Variants in MEIKIN observed in about 807,000 individuals in gnomAD.
The protein encoded by MEIKIN is meiotic kinetochore factor.
intron 9 of MEIKIN, among the ~76,000 whole-genome samples, chr5:131,872,371 T>C (rs1195846998): frequency 6.6e-6 from 1 of 152,134 alleles, no homozygotes; most frequent in African/African-American, 2.4e-5. Context: ...CAGTAGCTGA[T>C]GCAATCAACT....
chr5:131,914,009 T>G (rs1478087961), intron 7 of MEIKIN, among the ~76,000 whole-genome samples: 1 of 152,134 alleles, frequency 6.6e-6, no homozygotes. Flanking sequence ...ATTAAGCCAT[T>G]CATGGATTAA....
At chr5:131,916,998 T>C in intron 6 of MEIKIN, 73 bp from the exon 7 acceptor site, 1 of 391,652 alleles carries the variant, frequency 2.6e-6, no homozygotes, top group South Asian at 1.3e-4. Context: ...ATGAATATTT[T>C]CCCCCAAGTG....
intron 5 of MEIKIN, among the ~76,000 whole-genome samples, chr5:131,926,064 T>G (rs1341396097): frequency 1.3e-5 from 2 of 152,192 alleles, no homozygotes; most frequent in Non-Finnish European, 2.9e-5. Context: ...ATTTTTTTGT[T>G]GCCTAATTGC....
At chr5:131,897,085 C>G (rs936146508) in intron 8 of MEIKIN, among the ~76,000 whole-genome samples, 1 of 152,196 alleles carries the variant, frequency 6.6e-6, no homozygotes, top group Non-Finnish European at 1.5e-5. Context: ...CTGGTGGTGA[C>G]AAAATCTCTC....
At chr5:131,870,578 T>G (rs941086079) in intron 9 of MEIKIN, among the ~76,000 whole-genome samples, 3 of 152,224 alleles carry the variant, frequency 2.0e-5, no homozygotes, top group African/African-American at 7.2e-5. Flanking sequence ...CTTCTCAACA[T>G]TTCCATCTTC....
intron 4 of MEIKIN, among the ~76,000 whole-genome samples, chr5:131,935,617 GGTGA>G (rs1751764948): frequency 6.6e-6 from 1 of 152,038 alleles, no homozygotes; most frequent in East Asian, 1.9e-4. Context: ...GGTCGGGGGT[GGTGA>G]GTAAGAGATC....
At chr5:131,858,786 T>C (rs1750236987) in intron 9 of MEIKIN, among the ~76,000 whole-genome samples, 1 of 152,104 alleles carries the variant, frequency 6.6e-6, no homozygotes, top group African/African-American at 2.4e-5. Flanking sequence ...ACAGACATTA[T>C]CAAAAGAAGA....
At chr5:131,811,646 G>A (rs574870137) in intron 12 of MEIKIN, among the ~76,000 whole-genome samples, 46 of 149,854 alleles carry the variant, frequency 3.1e-4, no homozygotes, top group African/African-American at 1.1e-3. Context: ...TCTCACTCTC[G>A]CCCAGGCTGG....
chr5:131,886,600 A>G lies in MEIKIN; in HGVS notation c.704-7552T>C, dbSNP rs570335401. Among the ~76,000 whole-genome samples the G allele has an allele frequency of 9.2e-5, 14 of 152,300 alleles. No homozygotes were observed. In the South Asian group the frequency reaches 2.9e-3, roughly 32 times the overall value. On this transcript the variant is annotated intron_variant, in intron 8 of 12. Coordinates refer to ENST00000442687, the MANE Select transcript of MEIKIN (RefSeq NM_001303622.2). ...CAAGGAGAATCACAGACCTTCCCACAAACAAAAGCTGAGGGATGTCATGAG... is the reference window on the plus strand; with the variant it reads ...CAAGGAGAATCACAGACCTTCCCACGAACAAAAGCTGAGGGATGTCATGAG...
At chr5:131,942,584 T>C (rs1751891111) in intron 4 of MEIKIN, 51 bp downstream of exon 4, 1 of 397,826 alleles carries the variant, frequency 2.5e-6, no homozygotes, top group Non-Finnish European at 4.4e-6. Context: ...TGGATGCTTA[T>C]GTTTGGAGGA....
chr5:131,898,792 T>C (rs1229281702), intron 8 of MEIKIN, among the ~76,000 whole-genome samples: 1 of 152,230 alleles, frequency 6.6e-6, no homozygotes, highest in African/African-American at 2.4e-5. Flanking sequence ...AAGCACAGTA[T>C]TTGGGCAGGA....
intron 1 of MEIKIN, 29 bp downstream of exon 1, chr5:131,945,371 C>T (rs1457394028): frequency 2.5e-6 from 1 of 399,040 alleles, no homozygotes; most frequent in South Asian, 1.3e-4. Context: ...CTCGGCTGAG[C>T]TTACGGTGGG....
rs75594983 is a variant in MEIKIN at position 131,816,236 on chromosome 5, C to T, written c.1099+2504G>A. Among the ~76,000 whole-genome samples the T allele has an allele frequency of 1.6e-3, 241 of 152,198 alleles. 1 individual carries two copies. Among genetic ancestry groups the T allele is most frequent in the African/African-American group, 5.4e-3 (225 of 41,494 alleles). ...ATGGATGCATAGTTGATAAGGAATG[C>T]GCTGTGATGGTTAGTTGTGTGTGAC... On this transcript the variant is annotated intron_variant, in intron 12 of 12. Transcript: ENST00000442687.
chr5:131,873,727 T>A (rs572327183), intron 9 of MEIKIN, among the ~76,000 whole-genome samples: 5 of 152,212 alleles, frequency 3.3e-5, no homozygotes, highest in South Asian at 2.1e-4. Context: ...ATTCCAAAAT[T>A]GAACACATAG....
chr5:131,885,858 C>T (rs1433312241), intron 8 of MEIKIN, among the ~76,000 whole-genome samples: 1 of 152,082 alleles, frequency 6.6e-6, no homozygotes, highest in Non-Finnish European at 1.5e-5. Flanking sequence ...GATACATGAG[C>T]TTTTAGATAG....
intron 8 of MEIKIN, among the ~76,000 whole-genome samples, chr5:131,892,958 G>A (rs1362938925): frequency 2.0e-5 from 3 of 152,322 alleles, no homozygotes; most frequent in African/African-American, 7.2e-5. Flanking sequence ...CTGCAGGTCT[G>A]TTGGAGTTTG....
At chr5:131,873,023 G>C (rs1481145586) in intron 9 of MEIKIN, among the ~76,000 whole-genome samples, 1 of 151,950 alleles carries the variant, frequency 6.6e-6, no homozygotes, top group East Asian at 1.9e-4. Flanking sequence ...AGGAACAACT[G>C]GTACCAGCCA....
rs564545581 is a variant in MEIKIN, at chr5:131,822,410, G to A, written c.976-3547C>T. On this transcript the variant is annotated intron_variant, in intron 11 of 12. Transcript: ENST00000442687. ...GTTTTCCTTTTAGTGAAGATGATTT[G>A]CTCTTGCAGTACACTTCAATTTCTT... Among the ~76,000 whole-genome samples the A allele has an allele frequency of 2.6e-5, 4 of 151,432 alleles. No homozygotes were observed. In the East Asian group the frequency reaches 7.8e-4, roughly 29 times the overall value.
chr5:131,858,662 G>A (rs1357163664), intron 9 of MEIKIN, among the ~76,000 whole-genome samples: 1 of 152,174 alleles, frequency 6.6e-6, no homozygotes, highest in East Asian at 1.9e-4. Context: ...CAAAATGGGA[G>A]AAAATATTTG....
Sources: gnomAD v4.1 joint callset for allele counts (sites outside exome capture counted in the v4.1 genomes callset) on GRCh38, gnomAD v4.1.1 for gene constraint, MANE v1.5 for transcripts, NCBI Gene and HGNC (gene_info 2026-07-23, HGNC 2026-07-21) for gene names.